Variants in DAB2 observed in about 807,000 individuals in gnomAD.
DAB2 encodes DAB adaptor protein 2, also known as disabled homolog 2.
A neutral mutation model predicts 71.6 loss-of-function variants in DAB2; 28 were observed. The observed-to-expected ratio is 0.39, with a 90% CI of 0.29 to 0.54. The LOEUF is 0.54. DAB2 is among the 20% of genes least tolerant of loss of function. The probability of loss-of-function intolerance (pLI) is 0.68; values close to 1 mark genes in which losing one functional copy is unlikely to be tolerated. For missense variants in DAB2, 867 were observed against 928.8 expected, an observed-to-expected ratio of 0.93 and a Z score of 0.86; for synonymous variants, 345 against 339.7, an observed-to-expected ratio of 1.02 and a Z score of -0.17.
chr5:39,384,795 A>AC (rs1424206807), intron 9 of DAB2, among the ~76,000 whole-genome samples: 2 of 151,936 alleles, frequency 1.3e-5, no homozygotes, highest in Non-Finnish European at 2.9e-5. Context: ...TAACTATGCT[A>AC]CCCAGAGAAG....
intron 1 of DAB2, among the ~76,000 whole-genome samples, chr5:39,397,987 G>C (rs6895180): frequency 0.084 from 12,810 of 152,222 alleles, 959 homozygotes; most frequent in African/African-American, 0.2. Context: ...ATCAATGCAT[G>C]TGTTGATAGC....
At chr5:39,388,953 T>C (rs1755160065) in intron 7 of DAB2, 101 bp from the exon 8 acceptor site, 21 of 1,299,912 alleles carry the variant, frequency 1.6e-5, no homozygotes, top group Non-Finnish European at 1.6e-5. Flanking sequence ...TTTGGTATCA[T>C]CTTTTAACTA....
At chr5:39,413,446 C>G (rs1755776333) in intron 1 of DAB2, among the ~76,000 whole-genome samples, 2 of 152,056 alleles carry the variant, frequency 1.3e-5, no homozygotes, top group African/African-American at 4.8e-5. Flanking sequence ...AAAAGGGCCC[C>G]CCTAATGTCT....
intron 1 of DAB2, among the ~76,000 whole-genome samples, chr5:39,409,845 A>T (rs1755682063): frequency 6.6e-6 from 1 of 152,136 alleles, no homozygotes; most frequent in African/African-American, 2.4e-5. Flanking sequence ...CATTTAGATG[A>T]CCTCTACAGA....
intron 9 of DAB2, among the ~76,000 whole-genome samples, chr5:39,386,456 G>C (rs142529990): frequency 3.2e-4 from 49 of 152,284 alleles, no homozygotes; most frequent in African/African-American, 1.2e-3. Flanking sequence ...TATGACTATA[G>C]AGTCAATAGA....
intron 11 of DAB2, 62 bp from the exon 12 acceptor site, chr5:39,377,344 C>CA: frequency 6.5e-7 from 1 of 1,532,848 alleles, no homozygotes; most frequent in Non-Finnish European, 8.8e-7. Context: ...TCTTGAATTT[C>CA]AGAGAGCACA....
intron 14 of DAB2, among the ~76,000 whole-genome samples, chr5:39,374,552 T>C (rs1298142245): frequency 1.3e-5 from 2 of 152,202 alleles, no homozygotes; most frequent in African/African-American, 4.8e-5. Context: ...AACTTTGAGA[T>C]TGCTCACAGT....
chr5:39,409,028 G>C (rs933109652), intron 1 of DAB2, among the ~76,000 whole-genome samples: 1 of 151,864 alleles, frequency 6.6e-6, no homozygotes, highest in Non-Finnish European at 1.5e-5. Context: ...TTGGTGTCTT[G>C]CTTTTTGTGA....
chr5:39,404,490 C>T (rs1171618081), intron 1 of DAB2, among the ~76,000 whole-genome samples: 2 of 148,382 alleles, frequency 1.3e-5, no homozygotes, highest in African/African-American at 4.9e-5. Flanking sequence ...AGAAACAGTC[C>T]CCTCTATAAA....
chr5:39,414,717 G>T (rs529218511), intron 1 of DAB2, among the ~76,000 whole-genome samples: 9 of 150,314 alleles, frequency 6.0e-5, no homozygotes, highest in Non-Finnish European at 8.9e-5. Context: ...TAAAAAAAGG[G>T]GGGGGGGTGG....
Position 39,388,797 on chromosome 5 carries a change from A to T in DAB2, c.624+2T>A, listed in dbSNP as rs111293051. 6.2e-7 allele frequency: 1 copy of T among 1,612,212 alleles called. No individual in the cohort carries two copies. Among genetic ancestry groups the T allele is most frequent in the East Asian group, 2.2e-5 (1 of 44,842 alleles). On this transcript the variant is annotated splice_donor_variant, in intron 8 of 14. Transcript: ENST00000320816. LOFTEE classifies it high-confidence loss of function. The stretch of plus-strand genomic sequence containing the variant: ...TGTCAAACGTCACATATTAATACAT[A>T]CCGATTTCAGTTTGTTAGTTTGGTC...
In DAB2 at chr5:39,395,937, C is replaced by CTTTTTTTTTTTTTTTTT. The variant is rs3024228; in HGVS notation, c.-101-1533_-101-1517dup. Reference sequence around the variant, plus strand: ...GAGGGAAGGCTAAGACACAGATATTCTTTTTTTTTTTTTTTTTTTTTTTGA... The same window carrying CTTTTTTTTTTTTTTTTT: ...GAGGGAAGGCTAAGACACAGATATTCTTTTTTTTTTTTTTTTTTTTTTTTTTTTTTTTTTTTTTTTGA... On this transcript the variant is annotated intron_variant, in intron 1 of 14. Coordinates refer to ENST00000320816, the MANE Select transcript of DAB2 (RefSeq NM_001343.4). Among the ~76,000 whole-genome samples the CTTTTTTTTTTTTTTTTT allele has an allele frequency of 1.5e-4, 11 of 74,856 alleles. 2 individuals are homozygous for CTTTTTTTTTTTTTTTTT. Among genetic ancestry groups the CTTTTTTTTTTTTTTTTT allele is most frequent in the African/African-American group, 4.4e-4 (8 of 17,992 alleles). 49.1% of individuals were successfully genotyped at this position (74,856 alleles called of 152,430 possible).
chr5:39,412,308 G>A (rs951091680), intron 1 of DAB2, among the ~76,000 whole-genome samples: 1 of 152,040 alleles, frequency 6.6e-6, no homozygotes, highest in African/African-American at 2.4e-5. Flanking sequence ...GTTGTTTAGA[G>A]CACATGGGGG....
intron 1 of DAB2, among the ~76,000 whole-genome samples, chr5:39,419,273 T>G (rs951825861): frequency 3.9e-5 from 6 of 152,208 alleles, no homozygotes; most frequent in Admixed American, 6.5e-5. Flanking sequence ...ACTTTTGTTT[T>G]GATTTCTGCT....
Position 39,393,535 on chromosome 5 carries a change from T to C in DAB2, c.92-142A>G. 3 of 876,054 alleles carry C rather than the reference T, an allele frequency of 3.4e-6. No homozygotes were observed. In the East Asian group the frequency reaches 7.9e-5, roughly 23 times the overall value. The allele number at this position is 876,054 out of a possible 1,614,324, so 54.3% of individuals were successfully genotyped here. On this transcript the variant is annotated intron_variant, in intron 2 of 14. Transcript: ENST00000320816. ...TATGTAATATTCTGTCCTGTCTTATTCTTACTTCCTTTGAGCAAAATCATG... is the reference window on the plus strand; with the variant it reads ...TATGTAATATTCTGTCCTGTCTTATCCTTACTTCCTTTGAGCAAAATCATG...
intron 1 of DAB2, among the ~76,000 whole-genome samples, chr5:39,424,107 T>C (rs1184912321): frequency 1.3e-5 from 2 of 152,296 alleles, no homozygotes; most frequent in East Asian, 3.9e-4. Flanking sequence ...AAAACCGCTA[T>C]GTTGACTGAG....
Position 39,392,110 on chromosome 5 carries a change from A to G in DAB2, c.330+255T>C. On this transcript the variant is annotated intron_variant, in intron 4 of 14. Transcript: ENST00000320816. ...ATATATATATTTATATATTATAGACATAATGTGAATCTAAGCCTATTAACA... is the reference window on the plus strand; with the variant it reads ...ATATATATATTTATATATTATAGACGTAATGTGAATCTAAGCCTATTAACA... 5 of 246,240 alleles carry G rather than the reference A, an allele frequency of 2.0e-5. No individual in the cohort carries two copies. In the South Asian group the frequency reaches 3.2e-4, roughly 16 times the overall value. The allele number at this position is 246,240 out of a possible 1,614,324, so 15.3% of individuals were successfully genotyped here.
At chr5:39,388,267 C>T (rs768975754) in intron 9 of DAB2, 38 bp downstream of exon 9, 6 of 1,468,572 alleles carry the variant, frequency 4.1e-6, no homozygotes, top group Non-Finnish European at 4.7e-6. Context: ...TTATAGATGT[C>T]ATTTTATTAC....
At position 39,382,118 on chromosome 5, in the gene DAB2, A is replaced by C. The variant is rs140429008; in HGVS notation, c.1341+500T>G. On this transcript the variant is annotated intron_variant, in intron 10 of 14. Coordinates refer to ENST00000320816, the MANE Select transcript of DAB2 (RefSeq NM_001343.4). The stretch of plus-strand genomic sequence containing the variant: ...TGCTCTTAAATAAAGCTGAGATCAT[A>C]GTGGTAATAGTAAATACATAAGCTT... Among the ~76,000 whole-genome samples, 1,047 of 152,330 alleles carry C rather than the reference A, an allele frequency of 6.9e-3. 5 individuals carry two copies. Among genetic ancestry groups the C allele is most frequent in the African/African-American group, 0.024 (994 of 41,574 alleles).
Sources: gnomAD v4.1 joint callset for allele counts (sites outside exome capture counted in the v4.1 genomes callset) on GRCh38, gnomAD v4.1.1 for gene constraint, MANE v1.5 for transcripts, NCBI Gene and HGNC (gene_info 2026-07-23, HGNC 2026-07-21) for gene names.